Variants in GPM6A observed in about 807,000 individuals in gnomAD.
GPM6A encodes the protein glycoprotein M6A, also known as neuronal membrane glycoprotein M6-a.
GPM6A carries 7 observed loss-of-function variants against 32.1 expected under a neutral mutation model. The observed-to-expected ratio is 0.22, with a 90% CI of 0.12 to 0.41. GPM6A has a LOEUF of 0.41. Among genes scored for constraint, GPM6A ranks in the 10% least tolerant of loss-of-function variants. The pLI is 1.00. For missense variants in GPM6A, 235 were observed against 347.2 expected (o/e 0.68, Z 2.57); for synonymous variants, 130 against 123.4 (o/e 1.05, Z -0.35).
chr4:175,816,901 C>G (rs1735118580), upstream of GPM6A, among the ~76,000 whole-genome samples: 2 of 152,000 alleles, frequency 1.3e-5, no homozygotes, highest in South Asian at 4.1e-4. Context: ...CGCTCAAAGC[C>G]CAGGCTGGAG....
At chr4:175,696,984 C>A (rs1744617388) in intron 2 of GPM6A, among the ~76,000 whole-genome samples, 1 of 152,054 alleles carries the variant, frequency 6.6e-6, no homozygotes, top group African/African-American at 2.4e-5. Context: ...TTTATATGTG[C>A]ATGCAATATT....
rs368323244 is a variant in GPM6A at position 175,747,019 on chromosome 4, C to T, written c.38-45252G>A. The stretch of plus-strand genomic sequence containing the variant: ...TGGCATGGTGGCTCACGCCTGTAAT[C>T]CCAGCACTTTAGGAGGCTGAGGTGG... On this transcript the variant is annotated intron_variant, in intron 1 of 6. Transcript: ENST00000393658. Among the ~76,000 whole-genome samples the T allele has an allele frequency of 4.6e-5, 7 of 152,048 alleles. No homozygotes were observed. The East Asian group carries it at 1.4e-3, about 29-fold the overall frequency.
intron 1 of GPM6A, among the ~76,000 whole-genome samples, chr4:175,956,326 T>C (rs1419655906): frequency 1.3e-5 from 2 of 152,170 alleles, no homozygotes; most frequent in Admixed American, 1.3e-4. Context: ...ATAAATAAAA[T>C]GTAGGGCTTA....
At chr4:175,838,604 A>G (rs1735844268) in intron 1 of GPM6A, among the ~76,000 whole-genome samples, 2 of 150,354 alleles carry the variant, frequency 1.3e-5, no homozygotes, top group Middle Eastern at 3.5e-3. Flanking sequence ...CATTAGGAAA[A>G]CTTTATGTGA....
At chr4:175,990,487 A>G (rs1229377521) in intron 1 of GPM6A, among the ~76,000 whole-genome samples, 2 of 152,152 alleles carry the variant, frequency 1.3e-5, no homozygotes, top group Admixed American at 1.3e-4. Context: ...GTCCTTTAGA[A>G]TCAGAAATTA....
chr4:175,634,863 A>C lies in GPM6A; in HGVS notation c.*42T>G. On this transcript the variant is annotated 3_prime_UTR_variant, in exon 7 of 7. Transcript: ENST00000393658. Reference sequence around the variant, plus strand: ...GGATGGTTGGATGGCCCTTAGTTAAACACCAATGCATTCAAATGGTAGAAA... The same window carrying C: ...GGATGGTTGGATGGCCCTTAGTTAACCACCAATGCATTCAAATGGTAGAAA... 1 of 1,568,230 alleles carries C rather than the reference A, an allele frequency of 6.4e-7. No homozygotes were observed. Among genetic ancestry groups the C allele is most frequent in the Non-Finnish European group, 8.8e-7 (1 of 1,142,750 alleles).
intron 1 of GPM6A, chr4:175,806,202 C>T (rs1734688661): frequency 6.6e-6 from 1 of 152,126 alleles, no homozygotes; most frequent in African/African-American, 2.4e-5. Flanking sequence ...AAGTTATCTC[C>T]TGTATCCTAT....
chr4:175,899,650 G>A (rs1737890887), intron 1 of GPM6A, among the ~76,000 whole-genome samples: 1 of 152,000 alleles, frequency 6.6e-6, no homozygotes, highest in African/African-American at 2.4e-5. Flanking sequence ...AATGAAGCTG[G>A]CAAAATTGGA....
intron 1 of GPM6A, among the ~76,000 whole-genome samples, chr4:175,796,536 A>G (rs1734235898): frequency 6.6e-6 from 1 of 152,152 alleles, no homozygotes; most frequent in South Asian, 2.1e-4. Flanking sequence ...GTTAGAATAT[A>G]CATTTATGTT....
upstream of GPM6A, chr4:176,002,344 G>C: frequency 6.3e-7 from 1 of 1,582,660 alleles, no homozygotes. Context: ...GCAGTCCCCA[G>C]AGGAGAGCGA....
At chr4:175,904,003 A>G (rs541519982) in intron 1 of GPM6A, among the ~76,000 whole-genome samples, 1 of 152,194 alleles carries the variant, frequency 6.6e-6, no homozygotes, top group Non-Finnish European at 1.5e-5. Flanking sequence ...TCAAAATAAT[A>G]GAAAACAAAA....
intron 1 of GPM6A, among the ~76,000 whole-genome samples, chr4:175,709,498 C>T (rs181556819): frequency 1.2e-3 from 184 of 152,022 alleles, no homozygotes; most frequent in Non-Finnish European, 1.7e-3. Context: ...AGGAGGCCGA[C>T]GTGAGTGGAT....
chr4:175,895,750 A>G (rs138550355), intron 1 of GPM6A, among the ~76,000 whole-genome samples: 100 of 152,288 alleles, frequency 6.6e-4, no homozygotes, highest in African/African-American at 2.3e-3. Context: ...GGTTTGCAAT[A>G]TTTTCCAAAT....
chr4:175,868,858 T>C (rs1736817661), intron 1 of GPM6A, among the ~76,000 whole-genome samples: 1 of 152,232 alleles, frequency 6.6e-6, no homozygotes, highest in Non-Finnish European at 1.5e-5. Context: ...TCCTTTTCTG[T>C]TCTCATTTGT....
chr4:175,778,643 A>G (rs1170127771), intron 1 of GPM6A, among the ~76,000 whole-genome samples: 9 of 147,656 alleles, frequency 6.1e-5, no homozygotes, highest in Non-Finnish European at 1.4e-4. Flanking sequence ...AAAAAAAAAA[A>G]AAAAAAAGAA....
At chr4:175,850,731 T>C (rs1047623939) in intron 1 of GPM6A, among the ~76,000 whole-genome samples, 3 of 151,704 alleles carry the variant, frequency 2.0e-5, no homozygotes, top group African/African-American at 7.3e-5. Context: ...TAAATATATA[T>C]GAAACATATA....
chr4:175,762,073 C>T (rs114554790), intron 1 of GPM6A, among the ~76,000 whole-genome samples: 5 of 152,096 alleles, frequency 3.3e-5, no homozygotes, highest in African/African-American at 1.2e-4. Context: ...GGATTATAGG[C>T]GAGAGCCACT....
intron 1 of GPM6A, among the ~76,000 whole-genome samples, chr4:175,733,557 C>T (rs774071202): frequency 5.3e-5 from 8 of 152,018 alleles, no homozygotes; most frequent in Non-Finnish European, 7.4e-5. Context: ...TTTGTTGTTG[C>T]TGTTATTTTA....
chr4:175,675,829 T>G (rs1472852998), intron 2 of GPM6A, among the ~76,000 whole-genome samples: 1 of 152,012 alleles, frequency 6.6e-6, no homozygotes, highest in Admixed American at 6.6e-5. Context: ...TCTTCGTTTT[T>G]TTTGTAGAGA....
Sources: allele counts gnomAD v4.1 joint callset (sites outside exome capture counted in the v4.1 genomes callset), GRCh38; gene constraint gnomAD v4.1.1; transcripts MANE v1.5; gene names NCBI Gene and HGNC (gene_info 2026-07-23, HGNC 2026-07-21).